Variants in ADAM33 observed in about 807,000 individuals in gnomAD.
The protein encoded by ADAM33 is disintegrin and metalloproteinase domain-containing protein 33.
In ADAM33, 103 loss-of-function variants were observed where a neutral mutation model predicts 106.2. That is an observed-to-expected ratio of 0.97 (90% CI 0.83 to 1.14). The LOEUF (loss-of-function observed/expected upper bound fraction) is 1.14. Ranked by LOEUF, ADAM33 falls within the 50% of genes most tolerant of loss-of-function variation. ADAM33 has a pLI of 0.00. For missense variants in ADAM33, 1,120 were observed against 1,096.6 expected (o/e 1.02, Z -0.30); for synonymous variants, 483 against 453.0 (o/e 1.07, Z -0.84).
intron 3 of ADAM33, among the ~76,000 whole-genome samples, chr20:3,676,430 CTT>C (rs1441048334): frequency 1.1e-4 from 16 of 142,930 alleles, no homozygotes; most frequent in Non-Finnish European, 2.1e-4. Context: ...TTTTTTTTTT[CTT>C]TTTCTTTTTT....
At position 3,671,142 on chromosome 20, in the gene ADAM33, A is replaced by G. The variant is rs1206222528; in HGVS notation, c.2104T>C (p.Phe702Leu). 1 of 1,612,616 alleles carries G rather than the reference A, an allele frequency of 6.2e-7. No homozygotes were observed. Among genetic ancestry groups the G allele is most frequent in the Non-Finnish European group, 8.5e-7 (1 of 1,179,488 alleles). ...ACGCTGAGGAGCATGGCCAGCAGGA[A>G]GGTGTCATGGTCTGCGGGGATTGGG... Reference protein sequence around the residue: ...GPVQAENHDTFLLAMLLSVLL... With the variant: ...GPVQAENHDTLLLAMLLSVLL... Residue 702 changes from phenylalanine to leucine, a missense_variant, in exon 19 of 22, where the codon TTC becomes CTC. Coordinates refer to ENST00000356518, the MANE Select transcript of ADAM33 (RefSeq NM_025220.5).
intron 1 of ADAM33, among the ~76,000 whole-genome samples, chr20:3,680,891 G>T (rs756387983): frequency 6.6e-6 from 1 of 152,144 alleles, no homozygotes; most frequent in Non-Finnish European, 1.5e-5. Context: ...CTGGAGCTCC[G>T]GTGACCGGGT....
Position 3,669,020 on chromosome 20 carries a change from G to A in ADAM33, c.2405-20C>T, listed in dbSNP as rs777350843. ...GATCTGCTGAGAATGAGGAGGATAT[G>A]TTGTCCCCTAAGGACTGGGGCCCCA... On this transcript the variant is annotated intron_variant, in intron 21 of 21. Coordinates refer to ENST00000356518, the MANE Select transcript of ADAM33 (RefSeq NM_025220.5). 3 of 1,613,894 alleles carry A rather than the reference G, an allele frequency of 1.9e-6. No individual in the cohort carries two copies. Among genetic ancestry groups the A allele is most frequent in the South Asian group, 2.2e-5 (2 of 91,054 alleles).
Position 3,669,403 on chromosome 20 carries a change from A to C in ADAM33, c.2333-33T>G, listed in dbSNP as rs764665146. The C allele has an allele frequency of 5.7e-5, 90 of 1,590,274 alleles. 1 individual carries two copies. The Admixed American group carries it at 1.7e-3, about 29-fold the overall frequency. Reference sequence around the variant, plus strand: ...AAATGGTGGAGGGTAAATGTTGTGAATATGGTCAGCAGGAGCCCCTGGGGC... The same window carrying C: ...AAATGGTGGAGGGTAAATGTTGTGACTATGGTCAGCAGGAGCCCCTGGGGC... On this transcript the variant is annotated intron_variant, in intron 20 of 21. Transcript: ENST00000356518.
In ADAM33 at chr20:3,674,857, G is replaced by A. The variant is rs41331748; in HGVS notation, c.334-8C>T. ...TTGGTAGTGGCAATGATCCTAGGGAGGAAGGGGCCAGCCCCAAATCTCAGC... is the reference window on the plus strand; with the variant it reads ...TTGGTAGTGGCAATGATCCTAGGGAAGAAGGGGCCAGCCCCAAATCTCAGC... On this transcript the variant is annotated splice_region_variant and splice_polypyrimidine_tract_variant and intron_variant, in intron 4 of 21. Coordinates refer to ENST00000356518, the MANE Select transcript of ADAM33 (RefSeq NM_025220.5). The A allele has an allele frequency of 6.9e-4, 1,111 of 1,609,412 alleles. 10 individuals are homozygous for A. In the East Asian group the frequency reaches 0.012, roughly 18 times the overall value.
chr20:3,673,949 C>T (rs772382484), intron 8 of ADAM33, 38 bp from the exon 9 acceptor site: 1 of 1,577,612 alleles, frequency 6.3e-7, no homozygotes, highest in Non-Finnish European at 8.6e-7. Context: ...GACAGGGCGC[C>T]CCATCGCGCC....
rs1393963696 is a variant in ADAM33, at chr20:3,668,813, G to T, written c.*150C>A. ...GGCTCTGGGTTCCTGGAGTGGGTGGGTCGAAGCTCCACTCGGGGAAGAAAC... is the reference window on the plus strand; with the variant it reads ...GGCTCTGGGTTCCTGGAGTGGGTGGTTCGAAGCTCCACTCGGGGAAGAAAC... On this transcript the variant is annotated 3_prime_UTR_variant, in exon 22 of 22. Transcript: ENST00000356518. 1 of 934,312 alleles carries T rather than the reference G, an allele frequency of 1.1e-6. No homozygotes were observed. The highest frequency in any genetic ancestry group is 1.6e-5 in the African/African-American group (1 of 61,928). 57.9% of individuals were successfully genotyped at this position (934,312 alleles called of 1,614,324 possible).
Position 3,674,490 on chromosome 20 carries a change from T to C in ADAM33, c.600+14A>G. 1.2e-6 allele frequency: 2 copies of C among 1,611,428 alleles called. No homozygotes were observed. The highest frequency in any genetic ancestry group is 1.7e-6 in the Non-Finnish European group (2 of 1,179,424). The stretch of plus-strand genomic sequence containing the variant: ...ATACAGCATTCCCACTCCCATCCGA[T>C]CGATGCCCCTGACCCTGCTCTGGGG... On this transcript the variant is annotated intron_variant, in intron 6 of 21. Coordinates refer to ENST00000356518, the MANE Select transcript of ADAM33 (RefSeq NM_025220.5).
At chr20:3,673,284 A>C (rs1417517658) in intron 11 of ADAM33, 70 bp downstream of exon 11, 1 of 1,534,404 alleles carries the variant, frequency 6.5e-7, no homozygotes, top group Non-Finnish European at 8.7e-7. Context: ...AGGGACGACC[A>C]AAGAAACGCA....
At position 3,671,745 on chromosome 20, in the gene ADAM33, C is replaced by T. The variant is rs376580891; in HGVS notation, c.1741G>A (p.Gly581Arg). The change falls in exon 16 of 22, where the codon GGA becomes AGA. Residue 581 changes from glycine (G) to arginine (R), a missense_variant. Transcript: ENST00000356518. ...ALCGKLQCQG[G>R]KPSLLAPHMV... ...TGCGGTGCGAGCAGGCTGGGCTTTC[C>T]ACCCTGGCACTGCAGCTTCCCACAC... 18 of 1,576,830 alleles carry T rather than the reference C, an allele frequency of 1.1e-5. No individual in the cohort carries two copies. In the East Asian group the frequency reaches 1.4e-4, roughly 12 times the overall value.
chr20:3,669,027 C>T (rs746532303), intron 21 of ADAM33, 27 bp from the exon 22 acceptor site: 17 of 1,613,572 alleles, frequency 1.1e-5, no homozygotes, highest in Non-Finnish European at 1.4e-5. Context: ...TATGTTGTCC[C>T]CTAAGGACTG....
Position 3,681,954 on chromosome 20 carries a change from T to TAGC in ADAM33, c.48_50dup (p.Leu22dup), listed in dbSNP as rs1568828683. 1.9e-6 allele frequency: 3 copies of TAGC among 1,565,146 alleles called. No individual in the cohort carries two copies. The highest frequency in any genetic ancestry group is 1.9e-5 in the Admixed American group (1 of 53,060). ...GCACTGGCCAGAGCAGCAGCAGTAGTAGCAGCAGCAGCAACGGGGTCCCCC... is the reference window on the plus strand; with the variant it reads ...GCACTGGCCAGAGCAGCAGCAGTAGTAGCAGCAGCAGCAGCAACGGGGTCCCCC... On this transcript the variant is annotated inframe_insertion, in exon 1 of 22. Transcript: ENST00000356518.
chr20:3,677,118 AC>A lies in ADAM33; in HGVS notation c.202del (p.Val68TrpfsTer26). The part of the protein sequence containing the change: ...EPVSKPDMGL[V>X]ALEAEGQELL... Reference sequence around the variant, plus strand: ...CTCCTGGCCTTCAGCCTCCAGGGCCACCAGCCCCATGTCTGGCTTCGAGACC... The same window carrying A: ...CTCCTGGCCTTCAGCCTCCAGGGCCACAGCCCCATGTCTGGCTTCGAGACC... On this transcript the variant is annotated frameshift_variant, in exon 3 of 22. Transcript: ENST00000356518. LOFTEE classifies it high-confidence loss of function. 1 of 1,611,204 alleles carries A rather than the reference AC, an allele frequency of 6.2e-7. No individual in the cohort carries two copies. Among genetic ancestry groups the A allele is most frequent in the East Asian group, 2.2e-5 (1 of 44,620 alleles).
chr20:3,681,261 C>A (rs1425721155), intron 1 of ADAM33, among the ~76,000 whole-genome samples: 1 of 152,208 alleles, frequency 6.6e-6, no homozygotes, highest in Admixed American at 6.5e-5. Context: ...GAGGGGTTAC[C>A]CCGAGGAGAC....
At chr20:3,681,074 G>A (rs534466231) in intron 1 of ADAM33, among the ~76,000 whole-genome samples, 1 of 152,236 alleles carries the variant, frequency 6.6e-6, no homozygotes, top group African/African-American at 2.4e-5. Context: ...GTACCTGTTT[G>A]GTCCCCACAC....
rs761966167 is a variant in ADAM33 at position 3,671,330 on chromosome 20, G to A, written c.1999C>T (p.His667Tyr). 1 of 1,613,814 alleles carries A rather than the reference G, an allele frequency of 6.2e-7. No individual in the cohort carries two copies. Among genetic ancestry groups the A allele is most frequent in the Non-Finnish European group, 8.5e-7 (1 of 1,179,900 alleles). ...CHSHGVCNSNHNCHCAPGWAP... is the reference protein window; with the variant it reads ...CHSHGVCNSNYNCHCAPGWAP... ...CAGCCTGGAGCACAGTGGCAGTTAT[G>A]GTTGCTATTGCAAACCTGCAGAGAA... Residue 667 changes from histidine to tyrosine, a missense_variant, in exon 18 of 22, where the codon CAT becomes TAT. By Grantham distance (83) the His-to-Tyr change is moderately conservative. Coordinates refer to ENST00000356518, the MANE Select transcript of ADAM33 (RefSeq NM_025220.5).
rs551112391 is a variant in ADAM33, at chr20:3,668,208, C to T, written c.*755G>A. On this transcript the variant is annotated 3_prime_UTR_variant, in exon 22 of 22. Coordinates refer to ENST00000356518, the MANE Select transcript of ADAM33 (RefSeq NM_025220.5). ...GCCCAGGCTGGTGTGGACCTGCTGG[C>T]CTCTGGTGATCCTCCTACCCCGGCT... 1.3e-5 allele frequency: 2 copies of T among 152,616 alleles called. No individual in the cohort carries two copies. The highest frequency in any genetic ancestry group is 2.1e-4 in the South Asian group (1 of 4,818). 9.5% of individuals were successfully genotyped at this position (152,616 alleles called of 1,614,324 possible).
intron 3 of ADAM33, among the ~76,000 whole-genome samples, 196 bp downstream of exon 3, chr20:3,676,871 C>A (rs528336571): frequency 6.6e-6 from 1 of 152,194 alleles, no homozygotes; most frequent in Non-Finnish European, 1.5e-5. Context: ...GGCGGAGGTG[C>A]CCCACAGCGG....
At chr20:3,673,312 G>T in intron 11 of ADAM33, 42 bp downstream of exon 11, 1 of 1,535,186 alleles carries the variant, frequency 6.5e-7, no homozygotes, top group Non-Finnish European at 8.7e-7. Context: ...AAGTCCCCAG[G>T]ACTAGCCGCC....
Sources: gnomAD v4.1 joint callset for allele counts (sites outside exome capture counted in the v4.1 genomes callset) on GRCh38, gnomAD v4.1.1 for gene constraint, MANE v1.5 for transcripts, NCBI Gene and HGNC (gene_info 2026-07-23, HGNC 2026-07-21) for gene names.